The following DDHD1 variants were observed in gnomAD, a reference collection of about 807,000 sequenced individuals.
The protein encoded by DDHD1 is phospholipase DDHD1.
DDHD1 carries 49 observed loss-of-function variants against 96.4 expected under a neutral mutation model. That is an observed-to-expected ratio of 0.51 (90% confidence interval 0.40 to 0.64). The LOEUF (loss-of-function observed/expected upper bound fraction) is 0.64. Ranked by LOEUF, DDHD1 falls within the 30% of genes least tolerant of loss-of-function variation. The pLI is 0.00. For synonymous variants in DDHD1, 442 were observed against 446.5 expected (o/e 0.99, Z 0.13); for missense variants, 1,106 against 1,161.2 (o/e 0.95, Z 0.69).
At chr14:53,068,813 T>G (rs1358235588) in intron 6 of DDHD1, among the ~76,000 whole-genome samples, 1 of 152,166 alleles carries the variant, frequency 6.6e-6, no homozygotes, top group African/African-American at 2.4e-5. Context: ...TTTAAGACCA[T>G]GTAAATATCC....
At chr14:53,103,330 G>T in intron 2 of DDHD1, 1 of 370,532 alleles carries the variant, frequency 2.7e-6, no homozygotes. Context: ...AAATATTAAT[G>T]AAACTTGTCT....
At chr14:53,141,548 CAATT>C (rs1890642174) in intron 1 of DDHD1, among the ~76,000 whole-genome samples, 1 of 152,206 alleles carries the variant, frequency 6.6e-6, no homozygotes, top group Admixed American at 6.5e-5. Context: ...CTGTTACACT[CAATT>C]AAATCTGCAA....
chr14:53,149,210 C>A (rs991024634), intron 1 of DDHD1, among the ~76,000 whole-genome samples: 7 of 152,128 alleles, frequency 4.6e-5, no homozygotes, highest in Non-Finnish European at 8.8e-5. Context: ...AAAATAAAAT[C>A]TTTCTTTTAG....
At chr14:53,061,350 T>C in intron 7 of DDHD1, 149 bp from the exon 8 acceptor site, 1 of 570,698 alleles carries the variant, frequency 1.8e-6, no homozygotes, top group East Asian at 3.1e-5. Flanking sequence ...TAAATGTCTC[T>C]GCCACAGTAC....
In DDHD1 at chr14:53,055,872, T is replaced by C; in HGVS notation, c.2033A>G (p.Asn678Ser). ...LEPLILKHYS[N>S]ISPVQIHWYN... ...CCAGTGGATCTGGACAGGTGAAATG[T>C]TGCTGTAGTGTTTCAGTATTAATGG... Residue 678 changes from asparagine (N) to serine (S), a missense_variant, in exon 10 of 13, where the codon AAC becomes AGC. Around this residue, in one of 2 missense-constraint regions of DDHD1, gnomAD observed 650 missense variants for 758.8 expected, o/e 0.86. Transcript: ENST00000673822. The C allele has an allele frequency of 1.2e-6, 2 of 1,613,850 alleles. No individual in the cohort carries two copies. The highest frequency in any genetic ancestry group is 1.7e-6 in the Non-Finnish European group (2 of 1,179,814).
chr14:53,122,421 C>T (rs1457265159), intron 1 of DDHD1, among the ~76,000 whole-genome samples: 1 of 152,154 alleles, frequency 6.6e-6, no homozygotes, highest in African/African-American at 2.4e-5. Flanking sequence ...GTGACCACTG[C>T]CACACTCTGC....
chr14:53,080,197 T>TA (rs371417696), intron 4 of DDHD1, among the ~76,000 whole-genome samples: 3 of 152,068 alleles, frequency 2.0e-5, no homozygotes, highest in Non-Finnish European at 4.4e-5. Context: ...CCAACTCTAC[T>TA]AAAAAAACAT....
intron 6 of DDHD1, among the ~76,000 whole-genome samples, chr14:53,069,720 T>C (rs1884351683): frequency 6.6e-6 from 1 of 152,230 alleles, no homozygotes; most frequent in Admixed American, 6.5e-5. Flanking sequence ...TTAGAAATTG[T>C]TGAATTTACA....
At chr14:53,075,969 G>A (rs992373278) in intron 4 of DDHD1, among the ~76,000 whole-genome samples, 6 of 152,046 alleles carry the variant, frequency 3.9e-5, no homozygotes, top group Non-Finnish European at 8.8e-5. Flanking sequence ...AATGGTTACT[G>A]CCCGCTGACA....
intron 4 of DDHD1, among the ~76,000 whole-genome samples, chr14:53,080,461 C>G (rs1227274110): frequency 6.6e-6 from 1 of 152,096 alleles, no homozygotes; most frequent in Non-Finnish European, 1.5e-5. Context: ...GGTGGTTGAA[C>G]ATATTTTTAT....
chr14:53,142,707 A>G (rs1276552714), intron 1 of DDHD1, among the ~76,000 whole-genome samples: 1 of 152,238 alleles, frequency 6.6e-6, no homozygotes. Flanking sequence ...CCCATAGGCA[A>G]TAGATTTGTA....
In DDHD1 at chr14:53,125,788, G is replaced by A. The variant is rs927453188; in HGVS notation, c.839-21932C>T. On this transcript the variant is annotated intron_variant, in intron 1 of 12. Coordinates refer to ENST00000673822, the MANE Select transcript of DDHD1 (RefSeq NM_001160148.2). ...GTGATCTTGGCTCATTGCAACCTCC[G>A]CCTCCTGGGTTCATATGATTCTCCT... 2.7e-5 allele frequency among the ~76,000 whole-genome samples: 4 copies of A among 149,482 alleles called. No homozygotes were observed. In the South Asian group the frequency reaches 8.4e-4, roughly 32 times the overall value.
chr14:53,099,529 C>G (rs1369377767), intron 2 of DDHD1, among the ~76,000 whole-genome samples: 1 of 152,216 alleles, frequency 6.6e-6, no homozygotes, highest in East Asian at 1.9e-4. Context: ...TTTCTCACGA[C>G]TGAATTGAGT....
Position 53,058,476 on chromosome 14 carries a change from C to G in DDHD1, c.1992+1G>C. 1 of 1,607,750 alleles carries G rather than the reference C, an allele frequency of 6.2e-7. No individual in the cohort carries two copies. Among genetic ancestry groups the G allele is most frequent in the Non-Finnish European group, 8.5e-7 (1 of 1,178,218 alleles). On this transcript the variant is annotated splice_donor_variant, in intron 9 of 12. Transcript: ENST00000673822. LOFTEE classifies it high-confidence loss of function. ...AAAAAAGAGTCTATATTGCAACTCA[C>G]CACTGGATCTGTAGGATGAAAAATA...
At chr14:53,063,480 G>C (rs963658538) in intron 6 of DDHD1, among the ~76,000 whole-genome samples, 3 of 145,148 alleles carry the variant, frequency 2.1e-5, no homozygotes, top group Non-Finnish European at 3.0e-5. Context: ...CAGTTCCATA[G>C]ATTAAAAAAA....
At chr14:53,073,429 G>A (rs1027683024) in intron 5 of DDHD1, among the ~76,000 whole-genome samples, 2 of 151,912 alleles carry the variant, frequency 1.3e-5, no homozygotes, top group African/African-American at 2.4e-5. Context: ...AATCAACTTC[G>A]TGTCAAAAAC....
chr14:53,114,908 T>C (rs1888426710), intron 1 of DDHD1, among the ~76,000 whole-genome samples: 2 of 152,098 alleles, frequency 1.3e-5, no homozygotes, highest in Admixed American at 1.3e-4. Flanking sequence ...CTTCAGAAGG[T>C]GGGTAATAAC....
intron 6 of DDHD1, among the ~76,000 whole-genome samples, chr14:53,065,534 T>G (rs1241762870): frequency 6.6e-6 from 1 of 152,144 alleles, no homozygotes; most frequent in Non-Finnish European, 1.5e-5. Context: ...GAAATTAACT[T>G]TTTTGGTTGA....
intron 7 of DDHD1, 87 bp downstream of exon 7, chr14:53,062,856 T>C: frequency 7.4e-7 from 1 of 1,355,210 alleles, no homozygotes; most frequent in Non-Finnish European, 1.0e-6. Context: ...ATTATTTCTT[T>C]ATCATGAAAT....
Sources: gnomAD v4.1 joint callset for allele counts (sites outside exome capture counted in the v4.1 genomes callset) on GRCh38, gnomAD v4.1.1 for gene constraint, gnomAD v4.1.1 regional missense constraint, MANE v1.5 for transcripts, NCBI Gene and HGNC (gene_info 2026-07-23, HGNC 2026-07-21) for gene names.